The following RGS6 variants were observed in gnomAD, a reference collection of about 807,000 sequenced individuals.
RGS6 encodes regulator of G-protein signaling 6.
A neutral mutation model predicts 78.5 loss-of-function variants in RGS6; 30 were observed. The observed-to-expected ratio is 0.38, with a 90% confidence interval of 0.29 to 0.52. The LOEUF (loss-of-function observed/expected upper bound fraction) is 0.52, where lower values mean the gene tolerates loss of function less well. Among genes scored for constraint, RGS6 ranks in the 20% least tolerant of loss-of-function variants. The pLI is 0.85. For missense variants in RGS6, 495 were observed against 609.7 expected, an observed-to-expected ratio of 0.81 and a Z score of 1.98; for synonymous variants, 206 against 206.0, an observed-to-expected ratio of 1.00 and a Z score of 0.00.
chr14:72,476,727 T>C lies in RGS6; in HGVS notation c.694-15T>C. On this transcript the variant is annotated splice_polypyrimidine_tract_variant and intron_variant, in intron 10 of 17. Coordinates refer to ENST00000553525, the MANE Select transcript of RGS6 (RefSeq NM_001204424.2). ...CTGTGGGTGGATGATCCTCTGTGCT[T>C]GCTTCTTCTCCTAGTCCGTGTATGG... is the stretch of plus-strand genomic sequence containing the variant. 6.2e-7 allele frequency: 1 copy of C among 1,612,878 alleles called. No individual in the cohort carries two copies. Among genetic ancestry groups the C allele is most frequent in the Non-Finnish European group, 8.5e-7 (1 of 1,179,030 alleles).
intron 1 of RGS6, among the ~76,000 whole-genome samples, chr14:71,960,242 T>C (rs2093091799): frequency 6.6e-6 from 1 of 152,220 alleles, no homozygotes; most frequent in Admixed American, 6.5e-5. Flanking sequence ...AGCATCCCCT[T>C]CACTATATTT....
At chr14:72,208,552 C>A (rs1226922380) in intron 2 of RGS6, among the ~76,000 whole-genome samples, 1 of 152,150 alleles carries the variant, frequency 6.6e-6, no homozygotes, top group Admixed American at 6.5e-5. Flanking sequence ...CTGCATGAGA[C>A]CTTAAGGTCT....
intron 2 of RGS6, among the ~76,000 whole-genome samples, chr14:72,253,178 G>C (rs1455780489): frequency 1.3e-5 from 2 of 152,222 alleles, no homozygotes; most frequent in East Asian, 1.9e-4. Context: ...TAGGCTGTAA[G>C]AGCCATCATG....
At chr14:72,120,374 G>A (rs2096016346) in intron 2 of RGS6, among the ~76,000 whole-genome samples, 1 of 152,204 alleles carries the variant, frequency 6.6e-6, no homozygotes, top group African/African-American at 2.4e-5. Flanking sequence ...GATGGGAAGA[G>A]TCTTGATTTG....
chr14:72,026,980 G>A (rs2089989817), intron 2 of RGS6, among the ~76,000 whole-genome samples: 2 of 152,118 alleles, frequency 1.3e-5, no homozygotes, highest in Admixed American at 1.3e-4. Flanking sequence ...GATTTGAGAA[G>A]AGTCCAGACA....
chr14:72,304,196 C>G (rs1217168690), intron 2 of RGS6, among the ~76,000 whole-genome samples: 1 of 152,198 alleles, frequency 6.6e-6, no homozygotes, highest in South Asian at 2.1e-4. Flanking sequence ...CCTCCTCCCC[C>G]AGGCTGCAAG....
the RGS6 span, among the ~76,000 whole-genome samples, chr14:72,606,034 C>T: frequency 6.6e-6 from 1 of 152,132 alleles, no homozygotes; most frequent in African/African-American, 2.4e-5. Flanking sequence ...CCCTTGTCCC[C>T]CGAGACCTCT....
the RGS6 span, among the ~76,000 whole-genome samples, chr14:72,589,616 C>G: frequency 4.6e-5 from 7 of 151,858 alleles, no homozygotes; most frequent in African/African-American, 9.7e-5. Context: ...ATATCAAAAG[C>G]CTTTAAAATG....
chr14:72,304,192 C>G (rs1313188270), intron 2 of RGS6, among the ~76,000 whole-genome samples: 1 of 152,152 alleles, frequency 6.6e-6, no homozygotes, highest in Non-Finnish European at 1.5e-5. Context: ...GTGTCCTCCT[C>G]CCCCAGGCTG....
chr14:72,102,252 T>C (rs2095543588), intron 2 of RGS6, among the ~76,000 whole-genome samples: 1 of 152,236 alleles, frequency 6.6e-6, no homozygotes, highest in African/African-American at 2.4e-5. Flanking sequence ...ACACAGTAGC[T>C]CCTGCTATTT....
At chr14:72,242,377 T>C (rs1020043537) in intron 2 of RGS6, among the ~76,000 whole-genome samples, 2 of 152,178 alleles carry the variant, frequency 1.3e-5, no homozygotes, top group African/African-American at 4.8e-5. Context: ...GGCTCTGCTA[T>C]AGTCAGATAA....
chr14:72,106,044 T>C (rs956636286), intron 2 of RGS6, among the ~76,000 whole-genome samples: 1 of 152,228 alleles, frequency 6.6e-6, no homozygotes, highest in Non-Finnish European at 1.5e-5. Flanking sequence ...GAGAAAAAGA[T>C]CCAGAGGTCG....
At chr14:72,148,158 G>C (rs977696656) in intron 2 of RGS6, among the ~76,000 whole-genome samples, 5 of 137,880 alleles carry the variant, frequency 3.6e-5, no homozygotes, top group African/African-American at 1.4e-4. Flanking sequence ...AAAAAAAATT[G>C]AGAGATAGGA....
Position 72,207,369 on chromosome 14 carries a change from G to A in RGS6, c.85-144726G>A, listed in dbSNP as rs145789089. 1.4e-3 allele frequency among the ~76,000 whole-genome samples: 217 copies of A among 152,274 alleles called. 1 individual carries two copies. Among genetic ancestry groups the A allele is most frequent in the Middle Eastern group, 6.8e-3 (2 of 294 alleles). ...AGGTATATGAGATTACTGGAAACTAGGCATTTGAAATGGGCAAGGTAAATT... is the reference window on the plus strand; with the variant it reads ...AGGTATATGAGATTACTGGAAACTAAGCATTTGAAATGGGCAAGGTAAATT... On this transcript the variant is annotated intron_variant, in intron 2 of 17. Coordinates refer to ENST00000553525, the MANE Select transcript of RGS6 (RefSeq NM_001204424.2).
chr14:72,070,545 G>T (rs1195320364), intron 2 of RGS6, among the ~76,000 whole-genome samples: 1 of 152,180 alleles, frequency 6.6e-6, no homozygotes, highest in Admixed American at 6.5e-5. Flanking sequence ...TGTTGGTGGT[G>T]GTGCTGCTGG....
chr14:72,529,200 G>T (rs979478502), intron 15 of RGS6, among the ~76,000 whole-genome samples: 2 of 152,194 alleles, frequency 1.3e-5, no homozygotes, highest in African/African-American at 4.8e-5. Flanking sequence ...GAAAAGAGAG[G>T]CCCAGGCCAG....
At chr14:72,034,484 T>C (rs11158933) in intron 2 of RGS6, among the ~76,000 whole-genome samples, 19,728 of 151,914 alleles carry the variant, frequency 0.13, 1,338 homozygotes, top group East Asian at 0.17. Flanking sequence ...TTGATTTTTG[T>C]ATGTTAAGCC....
At chr14:72,500,047 A>G (rs2096703022) in intron 13 of RGS6, among the ~76,000 whole-genome samples, 1 of 152,264 alleles carries the variant, frequency 6.6e-6, no homozygotes. Flanking sequence ...CTAATTCACA[A>G]TGATAAAATG....
Position 72,225,571 on chromosome 14 carries a change from T to A in RGS6, c.85-126524T>A, listed in dbSNP as rs528232597. ...CTTGAACTCCTGGGCTCAAGTGATC[T>A]GCCTGCCTCAGACTCCTAAAGTGTC... On this transcript the variant is annotated intron_variant, in intron 2 of 17. Coordinates refer to ENST00000553525, the MANE Select transcript of RGS6 (RefSeq NM_001204424.2). Among the ~76,000 whole-genome samples, 4 of 152,280 alleles carry A rather than the reference T, an allele frequency of 2.6e-5. No individual in the cohort carries two copies. The South Asian group carries it at 8.3e-4, about 32-fold the overall frequency.
Sources: gnomAD v4.1 joint callset for allele counts (sites outside exome capture counted in the v4.1 genomes callset) on GRCh38, gnomAD v4.1.1 for gene constraint, MANE v1.5 for transcripts, NCBI Gene and HGNC (gene_info 2026-07-23, HGNC 2026-07-21) for gene names.